The following MSH4 variants were observed in gnomAD, a reference collection of about 807,000 sequenced individuals.
MSH4 encodes mutS protein homolog 4.
A neutral mutation model predicts 113.7 loss-of-function variants in MSH4; 106 were observed. The observed-to-expected ratio is 0.93, with a 90% CI of 0.80 to 1.10. The LOEUF (loss-of-function observed/expected upper bound fraction) is 1.10. MSH4 is among the 50% of genes least tolerant of loss of function. MSH4 has a pLI of 0.00. For missense variants in MSH4, 1,061 were observed against 1,093.7 expected, an observed-to-expected ratio of 0.97 and a Z score of 0.42; for synonymous variants, 368 against 380.2, an observed-to-expected ratio of 0.97 and a Z score of 0.37.
chr1:75,852,556 T>G (rs1651212391), intron 8 of MSH4, among the ~76,000 whole-genome samples: 1 of 152,218 alleles, frequency 6.6e-6, no homozygotes, highest in Non-Finnish European at 1.5e-5. Flanking sequence ...ATTATCTTAA[T>G]TTTTGATTCT....
Position 75,912,817 on chromosome 1 carries a change from G to A in MSH4, c.2741G>A (p.Ser914Asn), listed in dbSNP as rs5745549. The A allele has an allele frequency of 0.041, 65,338 of 1,586,522 alleles. 1,822 individuals carry two copies. Among genetic ancestry groups the A allele is most frequent in the African/African-American group, 0.13 (9,563 of 73,174 alleles). ...CCAGACAGTTTACGAATATATTTAA[G>A]TAACCTCAAGAAGAAGTACAAAGAA... ...LDPDSLRIYL[S>N]NLKKKYKEDF... is the part of the protein sequence containing the mutation. Residue 914 changes from serine to asparagine, a missense_variant, in exon 20 of 20, where the codon AGT becomes AAT. Physicochemically the swap from Ser to Asn is conservative, Grantham distance 46. Transcript: ENST00000263187.
chr1:75,856,270 C>T (rs915345468), intron 8 of MSH4, among the ~76,000 whole-genome samples: 13 of 151,784 alleles, frequency 8.6e-5, no homozygotes, highest in Admixed American at 2.0e-4. Context: ...TGTTACTTCC[C>T]ATCCTTTTTT....
chr1:75,879,250 C>G (rs1480445893), intron 12 of MSH4, 122 bp downstream of exon 12: 9 of 789,806 alleles, frequency 1.1e-5, no homozygotes, highest in Non-Finnish European at 1.8e-5. Flanking sequence ...TTCTCCTATT[C>G]CTACCCACCC....
intron 6 of MSH4, among the ~76,000 whole-genome samples, chr1:75,821,068 A>G (rs1650397834): frequency 6.6e-6 from 1 of 151,958 alleles, no homozygotes; most frequent in Non-Finnish European, 1.5e-5. Flanking sequence ...ATAGACATCT[A>G]CAGAACTCTC....
intron 16 of MSH4, 25 bp from the exon 17 acceptor site, chr1:75,890,671 T>A (rs1260877657): frequency 1.6e-6 from 2 of 1,280,606 alleles, no homozygotes; most frequent in Non-Finnish European, 2.1e-6. Context: ...TTACAATGAA[T>A]AAATATTAAA....
At chr1:75,811,886 A>G (rs908096858) in intron 4 of MSH4, among the ~76,000 whole-genome samples, 3 of 152,170 alleles carry the variant, frequency 2.0e-5, no homozygotes, top group African/African-American at 7.2e-5. Context: ...AAGATTTGTC[A>G]TGGTGCTCTT....
intron 8 of MSH4, among the ~76,000 whole-genome samples, chr1:75,850,559 T>G (rs2100547682): frequency 6.6e-6 from 1 of 152,220 alleles, no homozygotes; most frequent in African/African-American, 2.4e-5. Context: ...TTGACTTTTT[T>G]TATGGCCCAA....
intron 7 of MSH4, among the ~76,000 whole-genome samples, chr1:75,841,197 T>G (rs1650952928): frequency 6.6e-6 from 1 of 151,320 alleles, no homozygotes; most frequent in South Asian, 2.1e-4. Context: ...CTCTTCTTTT[T>G]TTTTGTTCTC....
At chr1:75,886,385 G>A (rs182082783) in intron 15 of MSH4, among the ~76,000 whole-genome samples, 6 of 70,600 alleles carry the variant, frequency 8.5e-5, no homozygotes, top group African/African-American at 3.5e-4. Context: ...TATTATATAT[G>A]GTATATATGA....
At chr1:75,863,651 G>C (rs535385532) in intron 8 of MSH4, among the ~76,000 whole-genome samples, 3 of 152,094 alleles carry the variant, frequency 2.0e-5, no homozygotes, top group Admixed American at 2.0e-4. Context: ...ATCTAATTAT[G>C]CTCCTTTTCT....
chr1:75,845,507 A>C (rs1183286825), intron 7 of MSH4, among the ~76,000 whole-genome samples: 1 of 152,232 alleles, frequency 6.6e-6, no homozygotes, highest in Non-Finnish European at 1.5e-5. Flanking sequence ...CTCACAAGGA[A>C]AACAACAGTA....
At chr1:75,810,385 G>A (rs1165819906) in intron 3 of MSH4, among the ~76,000 whole-genome samples, 4 of 147,994 alleles carry the variant, frequency 2.7e-5, no homozygotes, top group East Asian at 2.0e-4. Context: ...TTACAGGCAT[G>A]CACCACCATG....
intron 7 of MSH4, among the ~76,000 whole-genome samples, chr1:75,831,339 C>T (rs560872070): frequency 6.6e-6 from 1 of 152,024 alleles, no homozygotes; most frequent in Non-Finnish European, 1.5e-5. Flanking sequence ...CAATAATAGT[C>T]GGAGACTTTA....
At chr1:75,867,646 T>C in intron 9 of MSH4, 58 bp downstream of exon 9, 2 of 1,239,878 alleles carry the variant, frequency 1.6e-6, no homozygotes, top group Middle Eastern at 2.0e-4. Context: ...TAACTTTTTG[T>C]TGGAAAAAAA....
chr1:75,910,559 C>T (rs1436581676), intron 19 of MSH4, among the ~76,000 whole-genome samples: 2 of 152,022 alleles, frequency 1.3e-5, no homozygotes, highest in African/African-American at 4.8e-5. Context: ...AGGCATGAAC[C>T]ACCGCACCCA....
chr1:75,875,296 T>C (rs1367230360), intron 9 of MSH4, among the ~76,000 whole-genome samples: 1 of 152,146 alleles, frequency 6.6e-6, no homozygotes, highest in Admixed American at 6.6e-5. Flanking sequence ...ATGACAGTAA[T>C]GACGATGAAG....
intron 15 of MSH4, among the ~76,000 whole-genome samples, chr1:75,887,364 C>T (rs1248792706): frequency 3.3e-5 from 5 of 152,060 alleles, no homozygotes; most frequent in Non-Finnish European, 7.4e-5. Context: ...CCTCCCCAGC[C>T]ATGCAGAATT....
At chr1:75,873,136 A>C (rs1324946572) in intron 9 of MSH4, among the ~76,000 whole-genome samples, 1 of 152,234 alleles carries the variant, frequency 6.6e-6, no homozygotes, top group Non-Finnish European at 1.5e-5. Flanking sequence ...AGAGGCCTGA[A>C]TCACCAGGGA....
intron 19 of MSH4, among the ~76,000 whole-genome samples, chr1:75,906,778 T>C (rs1652665813): frequency 6.7e-6 from 1 of 149,794 alleles, no homozygotes; most frequent in African/African-American, 2.5e-5. Context: ...CACCTTCTTA[T>C]ATTGTCTATT....
Sources: gnomAD v4.1 joint callset for allele counts (sites outside exome capture counted in the v4.1 genomes callset) on GRCh38, gnomAD v4.1.1 for gene constraint, MANE v1.5 for transcripts, NCBI Gene and HGNC (gene_info 2026-07-23, HGNC 2026-07-21) for gene names.